The following CHRNA5 variants were observed in gnomAD, a reference collection of about 807,000 sequenced individuals.
CHRNA5 encodes cholinergic receptor nicotinic alpha 5 subunit.
A neutral mutation model predicts 41.2 loss-of-function variants in CHRNA5; 28 were observed. That is an observed-to-expected ratio of 0.68 (90% CI 0.50 to 0.93). The LOEUF (loss-of-function observed/expected upper bound fraction) is 0.93, where lower values mean the gene tolerates loss of function less well. Among genes scored for constraint, CHRNA5 ranks in the 40% least tolerant of loss-of-function variants. The pLI is 0.00. For missense variants in CHRNA5, 481 were observed against 581.9 expected (o/e 0.83, Z 1.78); for synonymous variants, 188 against 205.8 (o/e 0.91, Z 0.74).
rs752254237 is a variant in CHRNA5, at chr15:78,585,791, CTTT to C, written c.259-845_259-843del. Among the ~76,000 whole-genome samples the C allele has an allele frequency of 3.8e-5, 5 of 130,612 alleles. No homozygotes were observed. In the East Asian group the frequency reaches 1.2e-3, roughly 31 times the overall value. 85.7% of individuals were successfully genotyped at this position (130,612 alleles called of 152,430 possible). ...TTTTTCTTTTTCTTTTCTTTTCTTT[CTTT>C]TTTTTTTTGAGATGGAGTCTCGCTG... On this transcript the variant is annotated intron_variant, in intron 2 of 5. Coordinates refer to ENST00000299565, the Ensembl canonical transcript of CHRNA5.
chr15:78,565,986 A>C (rs2052743539), intron 1 of CHRNA5, among the ~76,000 whole-genome samples, 161 bp downstream of exon 1: 1 of 152,086 alleles, frequency 6.6e-6, no homozygotes, highest in South Asian at 2.1e-4. Flanking sequence ...TTAAATGTCC[A>C]GATTTGCTCA....
At chr15:78,590,495 T>C (rs2053003193) in exon 5 of CHRNA5, 1 of 1,614,194 alleles carries the variant, frequency 6.2e-7, no homozygotes, top group East Asian at 2.2e-5. Flanking sequence ...GCATGAGAAG[T>C]CATGTAGACA....
At chr15:78,586,270 T>C (rs1227494088) in intron 2 of CHRNA5, among the ~76,000 whole-genome samples, 1 of 152,252 alleles carries the variant, frequency 6.6e-6, no homozygotes, top group African/African-American at 2.4e-5. Context: ...TGTCTTATAA[T>C]TCATGGCAGC....
chr15:78,590,337 T>TATC, exon 5 of CHRNA5: 1 of 1,614,132 alleles, frequency 6.2e-7, no homozygotes. Flanking sequence ...AATTGGAGAG[T>TATC]ATCTGGTATT....
At position 78,582,361 on chromosome 15, in the gene CHRNA5, G is replaced by A. The variant is rs141748182; in HGVS notation, c.258+1399G>A. On this transcript the variant is annotated intron_variant, in intron 2 of 5. Coordinates refer to ENST00000299565, the Ensembl canonical transcript of CHRNA5. ...ATTAGCTGGGCGGTGGTCCGTGCCT[G>A]TAATCCCAGCTACTCAGGAGGCTGA... Among the ~76,000 whole-genome samples, 574 of 151,976 alleles carry A rather than the reference G, an allele frequency of 3.8e-3. 19 individuals carry two copies. The East Asian group carries it at 0.067, about 18-fold the overall frequency.
At chr15:78,593,259 C>T (rs199796617) in exon 6 of CHRNA5, 1 of 1,606,068 alleles carries the variant, frequency 6.2e-7, no homozygotes, top group Non-Finnish European at 8.5e-7. Flanking sequence ...AGTGAAGCCT[C>T]CCAAGGGACT....
intron 1 of CHRNA5, among the ~76,000 whole-genome samples, chr15:78,572,077 G>A (rs1284588464): frequency 6.6e-6 from 1 of 152,016 alleles, no homozygotes; most frequent in African/African-American, 2.4e-5. Flanking sequence ...GGAATGCCTT[G>A]ATTATGAATT....
intron 2 of CHRNA5, among the ~76,000 whole-genome samples, chr15:78,586,184 A>G (rs1010369324): frequency 6.6e-6 from 1 of 152,182 alleles, no homozygotes; most frequent in Admixed American, 6.5e-5. Flanking sequence ...TCCCTCAGGG[A>G]TGTACAGAAA....
chr15:78,578,386 T>TGGTCCCTGC (rs2052878273), intron 1 of CHRNA5, among the ~76,000 whole-genome samples: 1 of 152,180 alleles, frequency 6.6e-6, no homozygotes, highest in African/African-American at 2.4e-5. Flanking sequence ...CGTGTGCCTG[T>TGGTCCCTGC]GGTCCCTGCT....
chr15:78,589,679 G>C, intron 4 of CHRNA5, 126 bp from the exon 5 acceptor site: 1 of 729,980 alleles, frequency 1.4e-6, no homozygotes, highest in Non-Finnish European at 2.2e-6. Flanking sequence ...CTTATCTGAA[G>C]TATAGTAATT....
At position 78,586,628 on chromosome 15, in the gene CHRNA5, ATTTTTAT is replaced by A. The variant is rs2052963897; in HGVS notation, c.259-10_259-4del. On this transcript the variant is annotated splice_polypyrimidine_tract_variant and intron_variant, in intron 2 of 5. Coordinates refer to ENST00000299565, the Ensembl canonical transcript of CHRNA5. ...TGTAATTGAAATCAATCTTATTTAA[ATTTTTAT>A]TTTTTAAAGGATGAGAAAAATCAGT... The A allele has an allele frequency of 6.9e-7, 1 of 1,442,216 alleles. No homozygotes were observed. The highest frequency in any genetic ancestry group is 9.6e-7 in the Non-Finnish European group (1 of 1,043,070). The allele number at this position is 1,442,216 out of a possible 1,614,324, so 89.3% of individuals were successfully genotyped here.
At chr15:78,595,168 G>T in exon 6 of CHRNA5, 1 of 421,146 alleles carries the variant, frequency 2.4e-6, no homozygotes, top group Non-Finnish European at 3.2e-6. Flanking sequence ...GATGAATTTA[G>T]ATTGCCTGCC....
chr15:78,589,910 T>C, exon 5 of CHRNA5: 3 of 1,614,226 alleles, frequency 1.9e-6, no homozygotes, highest in South Asian at 1.1e-5. Context: ...GTACCATAGA[T>C]GTCACGTTTT....
chr15:78,579,757 G>A (rs1207476245), intron 1 of CHRNA5, among the ~76,000 whole-genome samples: 5 of 152,032 alleles, frequency 3.3e-5, no homozygotes, highest in Non-Finnish European at 7.4e-5. Context: ...TCAGTTCTCA[G>A]CTGCCTCTCC....
chr15:78,571,578 C>CTTT (rs34248937), intron 1 of CHRNA5, among the ~76,000 whole-genome samples: 10 of 116,614 alleles, frequency 8.6e-5, no homozygotes, highest in African/African-American at 1.9e-4. Flanking sequence ...GATGCTCTGC[C>CTTT]TTTTTTTTTT....
rs773626999 is a variant in CHRNA5 at position 78,593,153 on chromosome 15, TTTTCG to T, written c.1312_1316del (p.Val438AsnfsTer14). 1.7e-5 allele frequency: 28 copies of T among 1,613,854 alleles called. No homozygotes were observed. The highest frequency in any genetic ancestry group is 4.5e-5 in the East Asian group (2 of 44,838). On this transcript the variant is annotated frameshift_variant, in exon 6 of 6. Coordinates refer to ENST00000299565, the Ensembl canonical transcript of CHRNA5. LOFTEE classifies it high-confidence loss of function. ...GATCGGATGTTTCTGTGGACTTTTC[TTTTCG>T]TTTCAATTGTTGGATCTCTTGGGCT...
chr15:78,575,208 T>C (rs532751124), intron 1 of CHRNA5, among the ~76,000 whole-genome samples: 8 of 152,290 alleles, frequency 5.3e-5, no homozygotes, highest in South Asian at 2.1e-4. Context: ...CCTCAAACTT[T>C]AGGCAATGAA....
In CHRNA5 at chr15:78,588,118, AGGGACCAT is replaced by A. The variant is rs1219878054; in HGVS notation, c.304-193_304-186del. ...GCTCTGGTTCTCACCTGTGTCTCAC[AGGGACCAT>A]GGTGAGAACCACTACACAAGGGGAC... On this transcript the variant is annotated intron_variant, in intron 3 of 5. Coordinates refer to ENST00000299565, the Ensembl canonical transcript of CHRNA5. This position sits in a 1 kb window ranked among gnomAD's most constrained non-coding sequence, Gnocchi z 4.1. Among the ~76,000 whole-genome samples, 1 of 152,146 alleles carries A rather than the reference AGGGACCAT, an allele frequency of 6.6e-6. No individual in the cohort carries two copies. Among genetic ancestry groups the A allele is most frequent in the Non-Finnish European group, 1.5e-5 (1 of 68,036 alleles).
intron 5 of CHRNA5, among the ~76,000 whole-genome samples, chr15:78,592,531 C>T (rs1476386313): frequency 6.6e-6 from 1 of 152,072 alleles, no homozygotes; most frequent in Non-Finnish European, 1.5e-5. Flanking sequence ...TGTGGTGGCT[C>T]CGAGCTGCTG....
Sources: allele counts gnomAD v4.1 joint callset (sites outside exome capture counted in the v4.1 genomes callset), GRCh38; gene constraint gnomAD v4.1.1; non-coding constraint Gnocchi (gnomAD v3.1); transcripts MANE v1.5; gene names NCBI Gene and HGNC (gene_info 2026-07-23, HGNC 2026-07-21).